Variants in ZRANB3 observed in about 807,000 individuals in gnomAD.
ZRANB3 encodes DNA annealing helicase and endonuclease ZRANB3.
Under a neutral mutation model 133.8 loss-of-function variants are expected in ZRANB3, and 125 were observed. The ratio of observed to expected loss-of-function variants is 0.93; its 90% CI spans 0.81 to 1.08. The LOEUF (loss-of-function observed/expected upper bound fraction) is 1.08, where lower values mean the gene tolerates loss of function less well. Ranked by LOEUF, ZRANB3 falls within the 50% of genes least tolerant of loss-of-function variation. The pLI is 0.00. For missense variants in ZRANB3, 1,229 were observed against 1,275.5 expected (o/e 0.96, Z 0.56); for synonymous variants, 387 against 432.7 (o/e 0.89, Z 1.31).
At chr2:135,345,691 T>C in intron 5 of ZRANB3, 56 bp from the exon 6 acceptor site, 1 of 1,252,636 alleles carries the variant, frequency 8.0e-7, no homozygotes, top group Non-Finnish European at 1.1e-6. Context: ...AAATTATTAT[T>C]ACAATGATAA....
chr2:135,301,297 T>C (rs1164809932), intron 8 of ZRANB3, among the ~76,000 whole-genome samples: 2 of 151,932 alleles, frequency 1.3e-5, no homozygotes, highest in Non-Finnish European at 2.9e-5. Context: ...GCAATTCTCC[T>C]GCCCCAGCTT....
intron 1 of ZRANB3, among the ~76,000 whole-genome samples, chr2:135,505,646 C>T (rs902431441): frequency 2.0e-5 from 3 of 151,874 alleles, no homozygotes; most frequent in African/African-American, 7.3e-5. Context: ...TCTCTTCCAT[C>T]CAAAAAAGTA....
chr2:135,343,956 T>C (rs932966364), intron 6 of ZRANB3, among the ~76,000 whole-genome samples: 3 of 139,674 alleles, frequency 2.1e-5, no homozygotes, highest in Non-Finnish European at 4.4e-5. Context: ...TGGAGTATGA[T>C]TTGGAAAAAT....
At chr2:135,330,305 A>G (rs2104846106) in intron 6 of ZRANB3, among the ~76,000 whole-genome samples, 1 of 152,290 alleles carries the variant, frequency 6.6e-6, no homozygotes. Flanking sequence ...GCATCTGTTG[A>G]GATAATCATG....
intron 1 of ZRANB3, among the ~76,000 whole-genome samples, chr2:135,529,339 A>G (rs1458461513): frequency 6.6e-6 from 1 of 152,242 alleles, no homozygotes; most frequent in East Asian, 1.9e-4. Flanking sequence ...CCAAAAGTAT[A>G]CATACAGTCG....
chr2:135,414,664 C>G (rs899040454), intron 2 of ZRANB3, among the ~76,000 whole-genome samples: 1 of 152,170 alleles, frequency 6.6e-6, no homozygotes, highest in Middle Eastern at 3.4e-3. Flanking sequence ...TTTTTCAGCA[C>G]CACACCACAC....
chr2:135,306,451 C>G (rs1344852081), intron 8 of ZRANB3, among the ~76,000 whole-genome samples: 1 of 150,610 alleles, frequency 6.6e-6, no homozygotes, highest in African/African-American at 2.4e-5. Flanking sequence ...CCACGCCCGG[C>G]TAATTTTTTT....
chr2:135,416,231 CCTT>C (rs1052455368), intron 2 of ZRANB3, among the ~76,000 whole-genome samples: 50 of 152,024 alleles, frequency 3.3e-4, no homozygotes, highest in African/African-American at 1.1e-3. Context: ...CCCAAAATCT[CCTT>C]AAGCTGATAA....
intron 2 of ZRANB3, among the ~76,000 whole-genome samples, chr2:135,468,826 A>C (rs548881207): frequency 6.6e-6 from 1 of 152,346 alleles, no homozygotes; most frequent in South Asian, 2.1e-4. Context: ...GCAAACAATG[A>C]TTCAGTGGAG....
intron 2 of ZRANB3, among the ~76,000 whole-genome samples, chr2:135,407,007 A>G (rs1374895596): frequency 3.3e-5 from 5 of 151,322 alleles, no homozygotes; most frequent in Admixed American, 1.3e-4. Flanking sequence ...AAGGGTATTC[A>G]ATTAGGAAAA....
chr2:135,435,151 C>G lies in ZRANB3; in HGVS notation c.162-44331G>C, dbSNP rs892030519. On this transcript the variant is annotated intron_variant, in intron 2 of 20. Transcript: ENST00000264159. ...CTCCTCTCTCTCCTCCCACCCTCCCCCTTCGAGTAGACCCCAGTGTCGATT... is the reference window on the plus strand; with the variant it reads ...CTCCTCTCTCTCCTCCCACCCTCCCGCTTCGAGTAGACCCCAGTGTCGATT... Among the ~76,000 whole-genome samples, 8 of 152,078 alleles carry G rather than the reference C, an allele frequency of 5.3e-5. 1 individual carries two copies. The South Asian group carries it at 1.0e-3, about 20-fold the overall frequency.
At chr2:135,222,311 A>G (rs1477296089) in intron 15 of ZRANB3, among the ~76,000 whole-genome samples, 1 of 151,700 alleles carries the variant, frequency 6.6e-6, no homozygotes. Context: ...CTGAGGCAGG[A>G]GAATCACTTG....
chr2:135,366,976 A>T (rs1480710864), intron 3 of ZRANB3, among the ~76,000 whole-genome samples: 2 of 152,108 alleles, frequency 1.3e-5, no homozygotes, highest in East Asian at 3.9e-4. Context: ...AGCAGAGATC[A>T]TGCCATTGCA....
chr2:135,285,826 T>C (rs1040609712), intron 8 of ZRANB3, among the ~76,000 whole-genome samples: 7 of 152,242 alleles, frequency 4.6e-5, no homozygotes, highest in African/African-American at 1.7e-4. Context: ...ATGTAACACA[T>C]GTAACTGTTT....
At chr2:135,406,553 A>T (rs1399588748) in intron 2 of ZRANB3, among the ~76,000 whole-genome samples, 1 of 152,202 alleles carries the variant, frequency 6.6e-6, no homozygotes, top group African/African-American at 2.4e-5. Context: ...CCTGATGAAC[A>T]TCGATGCAAA....
At chr2:135,485,148 CA>C (rs1262556520) in intron 2 of ZRANB3, among the ~76,000 whole-genome samples, 1 of 92,498 alleles carries the variant, frequency 1.1e-5, no homozygotes, top group Non-Finnish European at 1.8e-5. Flanking sequence ...ACAAAACAAA[CA>C]AAACAAAACA....
chr2:135,517,727 G>A lies in ZRANB3; in HGVS notation c.-7-13231C>T, dbSNP rs1322270513. Reference sequence around the variant, plus strand: ...TGCTGGGAGGTGTCTCCCAGTCAGGGGGCATGGGGGTCAGGGACCCACTTG... The same window carrying A: ...TGCTGGGAGGTGTCTCCCAGTCAGGAGGCATGGGGGTCAGGGACCCACTTG... On this transcript the variant is annotated intron_variant, in intron 1 of 20. Coordinates refer to ENST00000264159, the MANE Select transcript of ZRANB3 (RefSeq NM_032143.4). Among the ~76,000 whole-genome samples, 3 of 152,178 alleles carry A rather than the reference G, an allele frequency of 2.0e-5. No homozygotes were observed. The South Asian group carries it at 6.2e-4, about 31-fold the overall frequency.
chr2:135,513,721 T>C (rs969982179), intron 1 of ZRANB3, among the ~76,000 whole-genome samples: 1 of 152,164 alleles, frequency 6.6e-6, no homozygotes, highest in African/African-American at 2.4e-5. Context: ...CTGAATGGTA[T>C]TGCCTAGGTT....
chr2:135,295,132 G>GGTATCCTT (rs1362069905), intron 8 of ZRANB3, among the ~76,000 whole-genome samples: 1 of 149,810 alleles, frequency 6.7e-6, no homozygotes, highest in Admixed American at 6.6e-5. Context: ...GCAGAGCTGG[G>GGTATCCTT]GTTAACTTTC....
Sources: allele counts gnomAD v4.1 joint callset (sites outside exome capture counted in the v4.1 genomes callset), GRCh38; gene constraint gnomAD v4.1.1; transcripts MANE v1.5; gene names NCBI Gene and HGNC (gene_info 2026-07-23, HGNC 2026-07-21).